Variants in PSMD1 observed in about 807,000 individuals in gnomAD.
PSMD1 encodes the protein proteasome 26S subunit, non-ATPase 1.
A neutral mutation model predicts 119.0 loss-of-function variants in PSMD1; 18 were observed. That is an observed-to-expected ratio of 0.15 (90% CI 0.10 to 0.22). The LOEUF (loss-of-function observed/expected upper bound fraction) is 0.22. Among genes scored for constraint, PSMD1 ranks in the 10% least tolerant of loss-of-function variants. PSMD1 has a pLI of 1.00. For missense variants in PSMD1, 702 were observed against 1,158.5 expected (o/e 0.61, Z 5.72); for synonymous variants, 374 against 396.6 (o/e 0.94, Z 0.68).
chr2:231,092,470 A>G (rs1339109747), intron 16 of PSMD1, among the ~76,000 whole-genome samples: 2 of 152,196 alleles, frequency 1.3e-5, no homozygotes, highest in Non-Finnish European at 1.5e-5. Flanking sequence ...GAATTATGGT[A>G]TGTCCCATAC....
intron 1 of PSMD1, among the ~76,000 whole-genome samples, chr2:231,058,056 A>G (rs1382231309): frequency 6.6e-6 from 1 of 152,252 alleles, no homozygotes; most frequent in Non-Finnish European, 1.5e-5. Context: ...TGGGAGACGT[A>G]GTTACTTTCA....
At chr2:231,105,183 T>C (rs1350549463) in intron 16 of PSMD1, among the ~76,000 whole-genome samples, 2 of 152,166 alleles carry the variant, frequency 1.3e-5, no homozygotes, top group Non-Finnish European at 2.9e-5. Context: ...ATTTGTAGAT[T>C]GTTATTTGTT....
At chr2:231,139,314 C>CT (rs60709158) in intron 17 of PSMD1, among the ~76,000 whole-genome samples, 2,604 of 93,496 alleles carry the variant, frequency 0.028, 24 homozygotes, top group South Asian at 0.043. Context: ...TTTTTTCTTT[C>CT]TTTTTTTTTT....
chr2:231,122,478 A>G (rs1316037735), intron 16 of PSMD1, among the ~76,000 whole-genome samples: 1 of 152,124 alleles, frequency 6.6e-6, no homozygotes, highest in Admixed American at 6.5e-5. Context: ...ATCTGCCACA[A>G]GTAATCATTT....
chr2:231,080,023 A>T, intron 11 of PSMD1, 118 bp from the exon 12 acceptor site: 1 of 848,330 alleles, frequency 1.2e-6, no homozygotes, highest in Non-Finnish European at 1.7e-6. Context: ...GAGCCCCACT[A>T]CCTCCTTCTC....
At chr2:231,134,498 C>A (rs1695925883) in intron 16 of PSMD1, among the ~76,000 whole-genome samples, 1 of 152,188 alleles carries the variant, frequency 6.6e-6, no homozygotes, top group African/African-American at 2.4e-5. Flanking sequence ...ACTGACTAGA[C>A]CCAGCCACCA....
At chr2:231,064,666 T>C (rs1363785639) in intron 4 of PSMD1, among the ~76,000 whole-genome samples, 1 of 152,192 alleles carries the variant, frequency 6.6e-6, no homozygotes, top group Non-Finnish European at 1.5e-5. Context: ...ACTGTGTTTT[T>C]TTGTTTGTCT....
intron 15 of PSMD1, 127 bp downstream of exon 15, chr2:231,085,241 A>C: frequency 2.1e-4 from 158 of 745,140 alleles, no homozygotes; most frequent in Non-Finnish European, 3.0e-4. Context: ...TGTGATTCTC[A>C]TTTACTGGAC....
chr2:231,100,679 A>G (rs1694842758), intron 16 of PSMD1, among the ~76,000 whole-genome samples: 1 of 152,232 alleles, frequency 6.6e-6, no homozygotes, highest in African/African-American at 2.4e-5. Context: ...AGAAATTTAG[A>G]ACTCATATCT....
In PSMD1 at chr2:231,170,295, A is replaced by G; in HGVS notation, c.2716-271A>G. The G allele has an allele frequency of 3.2e-6, 1 of 315,144 alleles. No individual in the cohort carries two copies. The allele number at this position is 315,144 out of a possible 1,614,324, so 19.5% of individuals were successfully genotyped here. ...GCAGTGAGACTGAGGCTGGTAGTCA[A>G]GGCCATGGCTGGGAAATAACTATTC... On this transcript the variant is annotated intron_variant, in intron 23 of 24. Coordinates refer to ENST00000308696, the MANE Select transcript of PSMD1 (RefSeq NM_002807.4). This position sits in a 1 kb window ranked among gnomAD's most constrained non-coding sequence, Gnocchi z 4.1.
At chr2:231,114,034 G>C in intron 16 of PSMD1, 2 of 853,250 alleles carry the variant, frequency 2.3e-6, no homozygotes, top group Non-Finnish European at 3.9e-6. Context: ...TTACTCATCT[G>C]AAATTTTATA....
At chr2:231,095,212 A>G (rs905607251) in intron 16 of PSMD1, among the ~76,000 whole-genome samples, 3 of 152,164 alleles carry the variant, frequency 2.0e-5, no homozygotes, top group South Asian at 2.1e-4. Flanking sequence ...GCCCTTTAGG[A>G]TGGAAAACAG....
At chr2:231,139,061 G>A (rs1696039423) in intron 17 of PSMD1, 4 of 619,550 alleles carry the variant, frequency 6.5e-6, no homozygotes, top group African/African-American at 1.8e-5. Flanking sequence ...ATGGATAGCT[G>A]TAACTGAAAC....
At chr2:231,150,834 G>A (rs2125257784) in intron 18 of PSMD1, among the ~76,000 whole-genome samples, 1 of 152,194 alleles carries the variant, frequency 6.6e-6, no homozygotes, top group Middle Eastern at 3.4e-3. Flanking sequence ...ACTGATCCTT[G>A]ATGTACAGCT....
chr2:231,087,492 AT>A (rs991533598), intron 16 of PSMD1, among the ~76,000 whole-genome samples: 1 of 152,212 alleles, frequency 6.6e-6, no homozygotes, highest in Non-Finnish European at 1.5e-5. Flanking sequence ...CTTCTTGTAT[AT>A]TGGTAGTTCA....
intron 16 of PSMD1, among the ~76,000 whole-genome samples, chr2:231,112,117 C>T (rs568923257): frequency 3.3e-5 from 5 of 151,954 alleles, no homozygotes; most frequent in African/African-American, 1.2e-4. Context: ...AACTTTTTTT[C>T]CCTTTCTCTG....
Position 231,099,492 on chromosome 2 carries a change from T to C in PSMD1, c.1883+12311T>C, listed in dbSNP as rs761306251. On this transcript the variant is annotated intron_variant, in intron 16 of 24. Coordinates refer to ENST00000308696, the MANE Select transcript of PSMD1 (RefSeq NM_002807.4). ...CTTTTTCCTAAGTTTAGTCCTTTCG[T>C]TATCCTTCCAGTGTTTTAGCATGAG... Among the ~76,000 whole-genome samples, 31 of 152,208 alleles carry C rather than the reference T, an allele frequency of 2.0e-4. 1 individual carries two copies. Among genetic ancestry groups the C allele is most frequent in the Non-Finnish European group, 1.9e-4 (13 of 68,028 alleles).
At position 231,141,144 on chromosome 2, in the gene PSMD1, C is replaced by G. The variant is rs1310621765; in HGVS notation, c.1998+2294C>G. 2.0e-5 allele frequency among the ~76,000 whole-genome samples: 3 copies of G among 152,092 alleles called. No homozygotes were observed. The South Asian group carries it at 6.2e-4, about 32-fold the overall frequency. ...CTAACATGGCAAGAGCCTGTCTCTA[C>G]TAAAAATACAAAAAATTAGTGTGGT... On this transcript the variant is annotated intron_variant, in intron 17 of 24. Transcript: ENST00000308696.
intron 23 of PSMD1, 134 bp downstream of exon 23, chr2:231,166,151 AAG>A: frequency 1.0e-6 from 1 of 969,406 alleles, no homozygotes; most frequent in East Asian, 2.5e-5. Flanking sequence ...TATTTAACAA[AAG>A]AGAGAATGTT....
Sources: gnomAD v4.1 joint callset for allele counts (sites outside exome capture counted in the v4.1 genomes callset) on GRCh38, gnomAD v4.1.1 for gene constraint, Gnocchi (gnomAD v3.1) non-coding constraint, MANE v1.5 for transcripts, NCBI Gene and HGNC (gene_info 2026-07-23, HGNC 2026-07-21) for gene names.